CNBD1: variants seen among roughly 807,000 people sequenced by gnomAD.
The protein encoded by CNBD1 is cyclic nucleotide-binding domain-containing protein 1.
Under a neutral mutation model 54.4 loss-of-function variants are expected in CNBD1, and 71 were observed. The observed-to-expected ratio is 1.30, with a 90% confidence interval of 1.08 to 1.59. The LOEUF is 1.59. CNBD1 is among the 40% of genes most tolerant of loss of function. CNBD1 has a pLI of 0.00. For synonymous variants in CNBD1, 182 were observed against 170.7 expected, an observed-to-expected ratio of 1.07 and a Z score of -0.51; for missense variants, 659 against 518.0, an observed-to-expected ratio of 1.27 and a Z score of -2.64.
At chr8:87,055,718 T>C (rs1371871033) in intron 4 of CNBD1, among the ~76,000 whole-genome samples, 1 of 151,982 alleles carries the variant, frequency 6.6e-6, no homozygotes, top group Admixed American at 6.6e-5. Flanking sequence ...CTTCCTTCCT[T>C]CCTTCTTTTT....
intron 3 of CNBD1, among the ~76,000 whole-genome samples, chr8:86,915,869 C>T (rs1392859143): frequency 6.6e-6 from 1 of 152,124 alleles, no homozygotes; most frequent in African/African-American, 2.4e-5. Context: ...AAATAAAATG[C>T]TCGGGTAGAT....
chr8:87,079,471 A>G (rs1810943570), intron 4 of CNBD1, among the ~76,000 whole-genome samples: 1 of 152,100 alleles, frequency 6.6e-6, no homozygotes, highest in South Asian at 2.1e-4. Flanking sequence ...TCATATTTTC[A>G]CCAACACTTA....
intron 2 of CNBD1, among the ~76,000 whole-genome samples, chr8:87,391,633 G>A (rs1811312338): frequency 6.6e-6 from 1 of 151,970 alleles, no homozygotes; most frequent in Non-Finnish European, 1.5e-5. Flanking sequence ...CTGGGATAAT[G>A]GGATAATAGA....
chr8:87,035,334 T>C (rs1228319587), intron 4 of CNBD1, among the ~76,000 whole-genome samples: 1 of 152,212 alleles, frequency 6.6e-6, no homozygotes, highest in Admixed American at 6.5e-5. Context: ...TCCTTTCTCA[T>C]TGGATACAAT....
intron 4 of CNBD1, among the ~76,000 whole-genome samples, chr8:87,168,905 C>A (rs1488751910): frequency 1.3e-5 from 2 of 152,068 alleles, no homozygotes; most frequent in Non-Finnish European, 2.9e-5. Context: ...ATACAGATAT[C>A]TCTTCAATAT....
At chr8:86,947,450 G>A (rs1807494624) in intron 4 of CNBD1, among the ~76,000 whole-genome samples, 1 of 152,136 alleles carries the variant, frequency 6.6e-6, no homozygotes, top group Admixed American at 6.5e-5. Context: ...ATCAGTGTAT[G>A]GTTAAATGTT....
intron 4 of CNBD1, among the ~76,000 whole-genome samples, chr8:86,987,042 TG>T (rs1808624643): frequency 6.6e-6 from 1 of 152,160 alleles, no homozygotes; most frequent in Admixed American, 6.5e-5. Context: ...TCTATTTCTA[TG>T]AAAAAATGAC....
At chr8:87,346,417 TATTA>T (rs1372586153) in intron 8 of CNBD1, among the ~76,000 whole-genome samples, 3 of 151,974 alleles carry the variant, frequency 2.0e-5, no homozygotes, top group Non-Finnish European at 2.9e-5. Context: ...ATAATACTTT[TATTA>T]ATTATATTTT....
intron 4 of CNBD1, among the ~76,000 whole-genome samples, chr8:86,969,803 C>CGT (rs1808179086): frequency 6.6e-6 from 1 of 150,696 alleles, no homozygotes; most frequent in Non-Finnish European, 1.5e-5. Context: ...TACACACACA[C>CGT]ACACACACAC....
intron 6 of CNBD1, among the ~76,000 whole-genome samples, chr8:87,241,396 C>G (rs13276920): frequency 0.035 from 5,238 of 151,612 alleles, 109 homozygotes; most frequent in Non-Finnish European, 0.048. Context: ...TCAGCCTCCC[C>G]AGTAGCTGGG....
intron 6 of CNBD1, among the ~76,000 whole-genome samples, chr8:87,278,719 A>G (rs906850036): frequency 6.6e-6 from 1 of 151,584 alleles, no homozygotes; most frequent in Admixed American, 6.6e-5. Context: ...AAGTAGAAAG[A>G]ACTGAAGAAC....
intron 2 of CNBD1, among the ~76,000 whole-genome samples, chr8:86,891,258 T>G (rs4322022): frequency 0.51 from 77,594 of 151,862 alleles, 19,997 homozygotes; most frequent in South Asian, 0.58. Flanking sequence ...TTGAGTTTAT[T>G]TTTGTATATG....
chr8:87,281,568 AT>A lies in CNBD1; in HGVS notation c.772-3109del, dbSNP rs1808601193. On this transcript the variant is annotated intron_variant, in intron 6 of 10. Coordinates refer to ENST00000518476, the MANE Select transcript of CNBD1 (RefSeq NM_173538.3). ...TATATATATATATATATATATATAT[AT>A]ATATATATATATATATATATATATA... Among the ~76,000 whole-genome samples, 13 of 18,864 alleles carry A rather than the reference AT, an allele frequency of 6.9e-4. No individual in the cohort carries two copies. In the South Asian group the frequency reaches 0.012, roughly 17 times the overall value. 12.4% of individuals were successfully genotyped at this position (18,864 alleles called of 152,430 possible).
chr8:87,119,040 G>A (rs1407435731), intron 4 of CNBD1, among the ~76,000 whole-genome samples: 1 of 152,044 alleles, frequency 6.6e-6, no homozygotes, highest in Admixed American at 6.6e-5. Context: ...AGCACCTACT[G>A]TATGCCAAGT....
intron 2 of CNBD1, among the ~76,000 whole-genome samples, chr8:87,418,471 C>T (rs1807872498): frequency 6.6e-6 from 1 of 151,872 alleles, no homozygotes; most frequent in African/African-American, 2.4e-5. Context: ...CAGGATATAA[C>T]ACTTAAAGCA....
In CNBD1 at chr8:87,389,425, G is replaced by A. The variant is rs75890433; in HGVS notation, c.213+35639G>A. Among the ~76,000 whole-genome samples the A allele has an allele frequency of 6.7e-3, 1,023 of 152,192 alleles. 8 individuals carry two copies. The highest frequency in any genetic ancestry group is 0.011 in the Non-Finnish European group (763 of 67,998). On this transcript the variant is annotated intron_variant, in intron 2 of 7. Transcript: ENST00000521593. ...AAGTCTCAGGATATAAAATCAATGT[G>A]CAAAAATCACAAGCATTCTTATACA...
At chr8:87,397,384 A>G (rs117055472) in intron 2 of CNBD1, among the ~76,000 whole-genome samples, 169 of 152,026 alleles carry the variant, frequency 1.1e-3, no homozygotes, top group Non-Finnish European at 1.7e-3. Context: ...TGATAAACCA[A>G]ATTATCATTT....
intron 2 of CNBD1, among the ~76,000 whole-genome samples, chr8:87,425,005 AG>A (rs1343175431): frequency 2.0e-5 from 3 of 152,064 alleles, no homozygotes; most frequent in Non-Finnish European, 4.4e-5. Context: ...TATTTCTTGG[AG>A]GCTTTCCTCA....
chr8:87,201,096 A>G lies in CNBD1; in HGVS notation c.432-4897A>G, dbSNP rs573103459. Among the ~76,000 whole-genome samples the G allele has an allele frequency of 1.0e-3, 153 of 152,308 alleles. 1 individual carries two copies. Among genetic ancestry groups the G allele is most frequent in the African/African-American group, 3.5e-3 (147 of 41,574 alleles). On this transcript the variant is annotated intron_variant, in intron 4 of 10. Coordinates refer to ENST00000518476, the MANE Select transcript of CNBD1 (RefSeq NM_173538.3). ...GTAATGCAGGGTCGCTCTAACATCTAATAATCAACAAATGTAATATACCAT... is the reference window on the plus strand; with the variant it reads ...GTAATGCAGGGTCGCTCTAACATCTGATAATCAACAAATGTAATATACCAT...
Sources: gnomAD v4.1 joint callset for allele counts (sites outside exome capture counted in the v4.1 genomes callset) on GRCh38, gnomAD v4.1.1 for gene constraint, MANE v1.5 for transcripts, NCBI Gene and HGNC (gene_info 2026-07-23, HGNC 2026-07-21) for gene names.